The following ABHD12 variants were observed in gnomAD, a reference collection of about 807,000 sequenced individuals.
The protein encoded by ABHD12 is abhydrolase domain containing 12, lysophospholipase.
Under a neutral mutation model 58.3 loss-of-function variants are expected in ABHD12, and 43 were observed. That is an observed-to-expected ratio of 0.74 (90% CI 0.58 to 0.95). The LOEUF is 0.95. Ranked by LOEUF, ABHD12 falls within the 40% of genes least tolerant of loss-of-function variation. The probability of loss-of-function intolerance (pLI) is 0.00; values close to 1 mark genes in which losing one functional copy is unlikely to be tolerated. For missense variants in ABHD12, 539 were observed against 537.2 expected (o/e 1.00, Z -0.03); for synonymous variants, 219 against 211.2 (o/e 1.04, Z -0.32).
intron 2 of ABHD12, 109 bp from the exon 3 acceptor site, chr20:25,323,539 ACACACACACATG>A (rs1412863909): frequency 1.4e-6 from 1 of 729,668 alleles, no homozygotes; most frequent in Non-Finnish European, 2.5e-6. Context: ...CCACACGTGC[ACACACACACATG>A]CACACCCACA....
Position 25,301,892 on chromosome 20 carries a change from T to C in ABHD12, c.1157+327A>G, listed in dbSNP as rs2500431. Among the ~76,000 whole-genome samples, 3,801 of 152,278 alleles carry C rather than the reference T, an allele frequency of 0.025. 146 individuals are homozygous for C. The highest frequency in any genetic ancestry group is 0.083 in the African/African-American group (3,454 of 41,530). On this transcript the variant is annotated intron_variant, in intron 12 of 12. Coordinates refer to ENST00000339157, the MANE Select transcript of ABHD12 (RefSeq NM_001042472.3). ...CGTCTTGAGAGGTGTGTGGAAGAGA[T>C]CCGAGGCCTGCAAGTGGCTGGGGTG...
intron 2 of ABHD12, among the ~76,000 whole-genome samples, chr20:25,334,988 C>A (rs1021894194): frequency 1.3e-5 from 2 of 152,020 alleles, no homozygotes; most frequent in African/African-American, 4.8e-5. Flanking sequence ...TTCTGCACAG[C>A]AAAAGAAACT....
chr20:25,340,696 T>C (rs1339426480), intron 1 of ABHD12, among the ~76,000 whole-genome samples: 1 of 152,198 alleles, frequency 6.6e-6, no homozygotes, highest in Non-Finnish European at 1.5e-5. Flanking sequence ...CAAGCAACAA[T>C]ACAGATGAAT....
Position 25,309,313 on chromosome 20 carries a change from G to A in ABHD12, c.749+133C>T, listed in dbSNP as rs571335551. ...CTTCCCCTCCTGCCTCTGCCATGGG[G>A]ATGGGAGCGAGGCTGGTCGGGACTA... On this transcript the variant is annotated intron_variant, in intron 7 of 12. Coordinates refer to ENST00000339157, the MANE Select transcript of ABHD12 (RefSeq NM_001042472.3). 4.8e-5 allele frequency: 63 copies of A among 1,324,416 alleles called. No homozygotes were observed. In the Admixed American group the frequency reaches 8.5e-4, roughly 18 times the overall value. 82.0% of individuals were successfully genotyped at this position (1,324,416 alleles called of 1,614,324 possible).
chr20:25,303,078 G>A (rs558696206), intron 11 of ABHD12, among the ~76,000 whole-genome samples: 26 of 152,320 alleles, frequency 1.7e-4, no homozygotes, highest in African/African-American at 5.1e-4. Context: ...TGGTATCAGC[G>A]CAATTCCAAA....
chr20:25,335,828 G>C, intron 2 of ABHD12, among the ~76,000 whole-genome samples: 1 of 109,532 alleles, frequency 9.1e-6, no homozygotes, highest in Non-Finnish European at 1.8e-5. Context: ...GAGGGGGGAG[G>C]GATAGCATTG....
chr20:25,322,601 T>C (rs1600796869), intron 3 of ABHD12, among the ~76,000 whole-genome samples: 1 of 151,398 alleles, frequency 6.6e-6, no homozygotes, highest in Non-Finnish European at 1.5e-5. Context: ...TTTAGGGTGG[T>C]CTCGAACTCC....
In ABHD12 at chr20:25,308,543, A is replaced by G. The variant is rs1465982003; in HGVS notation, c.750-49T>C. ...AGTTGAGTTATGATAAAATTGTTTG[A>G]GATGATATGGGCCTTATGCTGGAAA... On this transcript the variant is annotated intron_variant, in intron 7 of 12. Coordinates refer to ENST00000339157, the MANE Select transcript of ABHD12 (RefSeq NM_001042472.3). The G allele has an allele frequency of 3.2e-6, 5 of 1,574,708 alleles. No individual in the cohort carries two copies. The African/African-American group carries it at 4.0e-5, about 13-fold the overall frequency.
intron 6 of ABHD12, among the ~76,000 whole-genome samples, chr20:25,312,823 C>G (rs1295333094): frequency 6.6e-6 from 1 of 151,792 alleles, no homozygotes; most frequent in Non-Finnish European, 1.5e-5. Flanking sequence ...CGCCTCTGCC[C>G]GGCCGCGACC....
chr20:25,314,874 G>T, intron 6 of ABHD12, 51 bp downstream of exon 6: 1 of 1,602,038 alleles, frequency 6.2e-7, no homozygotes, highest in Non-Finnish European at 8.6e-7. Context: ...ATGGGATACC[G>T]CCAGCAAGCA....
At chr20:25,368,521 A>C in intron 1 of ABHD12, 2 of 1,495,952 alleles carry the variant, frequency 1.3e-6, no homozygotes, top group Non-Finnish European at 1.9e-6. Context: ...TTTCATCACC[A>C]AATTTCTCCC....
intron 1 of ABHD12, among the ~76,000 whole-genome samples, chr20:25,387,264 C>A (rs1303134992): frequency 6.6e-6 from 1 of 152,040 alleles, no homozygotes; most frequent in South Asian, 2.1e-4. Flanking sequence ...ACAATGCAAT[C>A]AGAAAAGAAA....
chr20:25,354,559 C>G (rs1275532297), intron 1 of ABHD12, among the ~76,000 whole-genome samples: 1 of 152,178 alleles, frequency 6.6e-6, no homozygotes. Context: ...GGCTTGTGTA[C>G]AAGATGCACT....
At chr20:25,384,213 C>T (rs1010104291) in intron 1 of ABHD12, among the ~76,000 whole-genome samples, 1 of 150,874 alleles carries the variant, frequency 6.6e-6, no homozygotes, top group African/African-American at 2.4e-5. Context: ...CCATGCAAAG[C>T]AAAACTGATC....
chr20:25,303,251 C>G (rs945999676), intron 11 of ABHD12: 35 of 1,247,938 alleles, frequency 2.8e-5, no homozygotes, highest in Non-Finnish European at 3.6e-5. Context: ...ATAGGCAGCC[C>G]ACTCTGATAA....
chr20:25,296,379 G>A (rs753688457), downstream of ABHD12: 6 of 1,613,938 alleles, frequency 3.7e-6, no homozygotes, highest in Admixed American at 6.7e-5. Flanking sequence ...GAACCCCAAG[G>A]AGTGGACCAA....
intron 1 of ABHD12, among the ~76,000 whole-genome samples, chr20:25,383,865 G>GA (rs1357353635): frequency 7.1e-6 from 1 of 141,842 alleles, no homozygotes; most frequent in Non-Finnish European, 1.5e-5. Context: ...TGAGGCGGGA[G>GA]AATCACTTGA....
At chr20:25,365,665 CCTCA>C (rs1340378683) in intron 1 of ABHD12, among the ~76,000 whole-genome samples, 2 of 152,156 alleles carry the variant, frequency 1.3e-5, no homozygotes, top group Non-Finnish European at 2.9e-5. Context: ...TTCCCTCAGC[CCTCA>C]CTAACAAAGT....
At chr20:25,390,484 C>CCCCCCCCCCCCCCCCCCCCCCA in intron 1 of ABHD12, 29 bp downstream of exon 1, 1 of 1,229,872 alleles carries the variant, frequency 8.1e-7, no homozygotes, top group South Asian at 1.6e-5. Flanking sequence ...CCGGCCCCCC[C>CCCCCCCCCCCCCCCCCCCCCCA]CCCCCCCCCG....
Sources: gnomAD v4.1 joint callset for allele counts (sites outside exome capture counted in the v4.1 genomes callset) on GRCh38, gnomAD v4.1.1 for gene constraint, MANE v1.5 for transcripts, NCBI Gene and HGNC (gene_info 2026-07-23, HGNC 2026-07-21) for gene names.